Variants in USP26 observed in about 807,000 individuals in gnomAD.
The protein encoded by USP26 is ubiquitin carboxyl-terminal hydrolase 26.
For missense variants in USP26, 649 were observed against 642.3 expected (o/e 1.01, Z -0.11); for synonymous variants, 236 against 240.6 (o/e 0.98, Z 0.18).
chrX:133,086,860 G>A (rs1417213992), intron 4 of USP26, among the ~76,000 whole-genome samples: 3 of 98,269 alleles, frequency 3.1e-5, no homozygotes. Flanking sequence ...TTTGCAGTGA[G>A]CCGAGATCAC....
intron 5 of USP26, among the ~76,000 whole-genome samples, chrX:133,067,195 G>C (rs1030141320): frequency 8.9e-6 from 1 of 112,515 alleles, no homozygotes. Context: ...ACACCAATTA[G>C]AATGGCAATC....
At chrX:133,083,415 C>CCAGG (rs771666993) in intron 5 of USP26, among the ~76,000 whole-genome samples, 1 of 102,872 alleles carries the variant, frequency 9.7e-6, no homozygotes, top group Non-Finnish European at 2.0e-5. Flanking sequence ...CTTATACTGA[C>CCAGG]CAGGCGTGTA....
chrX:133,048,379 T>C (rs1602976244), intron 5 of USP26, among the ~76,000 whole-genome samples: 2 of 111,735 alleles, frequency 1.8e-5, no homozygotes, highest in South Asian at 3.7e-4. Flanking sequence ...TTGGAGCCAT[T>C]GAAGGGGATT....
At chrX:133,032,741 T>C (rs753240061) in intron 5 of USP26, among the ~76,000 whole-genome samples, 10 of 111,557 alleles carry the variant, frequency 9.0e-5, no homozygotes, top group African/African-American at 3.3e-4. Flanking sequence ...AAAAAATGAT[T>C]ATAAGTACGG....
chrX:133,093,808 C>T (rs2067616599), intron 1 of USP26, among the ~76,000 whole-genome samples: 1 of 106,375 alleles, frequency 9.4e-6, no homozygotes, highest in Non-Finnish European at 1.9e-5. Context: ...TGGCAAAATT[C>T]CGTCTCTATA....
chrX:133,030,772 C>G, intron 5 of USP26, among the ~76,000 whole-genome samples: 1 of 111,958 alleles, frequency 8.9e-6, no homozygotes, highest in Non-Finnish European at 1.9e-5. Flanking sequence ...TGTACATTAC[C>G]AAAGAGTAAT....
At chrX:133,049,429 T>G (rs1602976782) in intron 5 of USP26, among the ~76,000 whole-genome samples, 1 of 112,452 alleles carries the variant, frequency 8.9e-6, no homozygotes, top group African/African-American at 3.2e-5. Context: ...ACTGATTACC[T>G]GTGCTGTATT....
At chrX:133,042,070 G>A (rs1195655470) in intron 5 of USP26, among the ~76,000 whole-genome samples, 2 of 111,748 alleles carry the variant, frequency 1.8e-5, no homozygotes, top group East Asian at 2.8e-4. Flanking sequence ...CATCAAGCCC[G>A]ATCACCCCAG....
intron 4 of USP26, among the ~76,000 whole-genome samples, chrX:133,085,457 A>G (rs1024795318): frequency 8.9e-6 from 1 of 111,873 alleles, no homozygotes; most frequent in African/African-American, 3.2e-5. Flanking sequence ...ACTTGTGTTT[A>G]CATCAATGGG....
chrX:133,067,498 G>T (rs2067515581), intron 5 of USP26, among the ~76,000 whole-genome samples: 1 of 112,473 alleles, frequency 8.9e-6, no homozygotes, highest in African/African-American at 3.2e-5. Context: ...ATGACCGAAT[G>T]AATAAAGAAA....
chrX:133,075,621 G>C (rs1025069020), intron 5 of USP26, among the ~76,000 whole-genome samples: 1 of 111,352 alleles, frequency 9.0e-6, no homozygotes, highest in Admixed American at 9.6e-5. Flanking sequence ...AAAGCCCTTA[G>C]ACGGAAAGTA....
intron 5 of USP26, among the ~76,000 whole-genome samples, chrX:133,083,244 G>A (rs904154746): frequency 1.8e-5 from 2 of 112,105 alleles, no homozygotes; most frequent in African/African-American, 6.5e-5. Context: ...ATCCCTCTGT[G>A]ATCTCTTGAT....
chrX:133,026,323 G>C lies in USP26; in HGVS notation c.1898C>G (p.Ser633Cys), dbSNP rs1315125161. 1.7e-6 allele frequency: 2 copies of C among 1,202,008 alleles called. No homozygotes were observed. The highest frequency in any genetic ancestry group is 3.6e-5 in the African/African-American group (2 of 55,244). ...RQQQKYLGKN[S>C]KPNELESVYS... ...TACAGATTCTAGCTCATTTGGTTTAGAATTTTTTCCAAGGTACTTTTGCTG... is the reference window on the plus strand; with the variant it reads ...TACAGATTCTAGCTCATTTGGTTTACAATTTTTTCCAAGGTACTTTTGCTG... The change falls in exon 6 of 6, where the codon TCT becomes TGT. Residue 633 changes from serine (S) to cysteine (C), a missense_variant. Coordinates refer to ENST00000511190, the MANE Select transcript of USP26 (RefSeq NM_031907.3).
At chrX:133,062,053 C>T (rs2067495719) in intron 5 of USP26, among the ~76,000 whole-genome samples, 1 of 111,810 alleles carries the variant, frequency 8.9e-6, no homozygotes. Context: ...CTGAAGTCGA[C>T]CTGAGACAAT....
chrX:133,089,822 C>T (rs745526407), intron 4 of USP26, among the ~76,000 whole-genome samples: 1 of 112,085 alleles, frequency 8.9e-6, no homozygotes, highest in African/African-American at 3.2e-5. Flanking sequence ...TAGTTGGGAA[C>T]TAAGGATAGA....
At chrX:133,053,614 G>A (rs2067466896) in intron 5 of USP26, among the ~76,000 whole-genome samples, 1 of 110,370 alleles carries the variant, frequency 9.1e-6, no homozygotes, top group Admixed American at 9.7e-5. Flanking sequence ...TCATACCTGA[G>A]ACAAGCAAAG....
rs1397212713 is a variant in USP26, at chrX:133,027,205, G to T, written c.1016C>A (p.Thr339Asn). The change falls in exon 6 of 6, where the codon ACC (threonine) becomes AAC (asparagine). Residue 339 changes from threonine to asparagine, a missense_variant. Transcript: ENST00000511190. The part of the protein sequence containing the change: ...PWGKIPLNAL[T>N]MCLARLLFFK... Reference sequence around the variant, plus strand: ...AAAAAGTAGCCGTGCCAAGCACATGGTAAGAGCATTAAGGGGAATTTTACC... The same window carrying T: ...AAAAAGTAGCCGTGCCAAGCACATGTTAAGAGCATTAAGGGGAATTTTACC... The T allele has an allele frequency of 8.3e-7, 1 of 1,209,495 alleles. No homozygotes were observed. The highest frequency in any genetic ancestry group is 1.8e-5 in the South Asian group (1 of 56,909).
chrX:133,094,102 G>C (rs1273081032), intron 1 of USP26, among the ~76,000 whole-genome samples: 1 of 110,758 alleles, frequency 9.0e-6, no homozygotes, highest in Admixed American at 9.7e-5. Context: ...TTGTTTCTCA[G>C]TGATTATGCT....
rs140077873 is a variant in USP26, at chrX:133,071,901, G to A, written c.-77+11806C>T. 4.9e-3 allele frequency among the ~76,000 whole-genome samples: 546 copies of A among 111,349 alleles called. 4 individuals are homozygous for A. Among genetic ancestry groups the A allele is most frequent in the East Asian group, 0.042 (147 of 3,533 alleles). ...TGGAACGCTCTAATTTTACATCATA[G>A]GAAACCTGGGAAGGTAAAGGGTTGG... On this transcript the variant is annotated intron_variant, in intron 5 of 5. Coordinates refer to ENST00000511190, the MANE Select transcript of USP26 (RefSeq NM_031907.3).
Sources: gnomAD v4.1 joint callset for allele counts (sites outside exome capture counted in the v4.1 genomes callset) on GRCh38, gnomAD v4.1.1 for gene constraint, MANE v1.5 for transcripts, NCBI Gene and HGNC (gene_info 2026-07-23, HGNC 2026-07-21) for gene names.